Variants in KIF6 observed in about 807,000 individuals in gnomAD.
KIF6 encodes the protein kinesin family member 6.
A neutral mutation model predicts 112.7 loss-of-function variants in KIF6; 106 were observed. The observed-to-expected ratio is 0.94, with a 90% CI of 0.80 to 1.11. The LOEUF (loss-of-function observed/expected upper bound fraction) is 1.11. Among genes scored for constraint, KIF6 ranks in the 50% least tolerant of loss-of-function variants. The probability of loss-of-function intolerance (pLI) is 0.00; values close to 1 mark genes in which losing one functional copy is unlikely to be tolerated. For missense variants in KIF6, 929 were observed against 964.0 expected (o/e 0.96, Z 0.48); for synonymous variants, 339 against 339.9 (o/e 1.00, Z 0.03).
chr6:39,716,461 A>G (rs189185893), intron 2 of KIF6, among the ~76,000 whole-genome samples: 140 of 152,314 alleles, frequency 9.2e-4, no homozygotes, highest in Non-Finnish European at 1.7e-3. Flanking sequence ...ACTATATATT[A>G]AGCATCAAAT....
rs1207504978 is a variant in KIF6 at position 39,343,498 on chromosome 6, C to G, written c.2428+211G>C. 6.7e-7 allele frequency: 1 copy of G among 1,496,232 alleles called. No individual in the cohort carries two copies. Among genetic ancestry groups the G allele is most frequent in the Non-Finnish European group, 8.9e-7 (1 of 1,121,606 alleles). The allele number at this position is 1,496,232 out of a possible 1,614,324, so 92.7% of individuals were successfully genotyped here. ...CAGGAGCACCTGGGCCGCCCACCCA[C>G]TTGGGCCTGTCTTGGTGTTTCTGAT... On this transcript the variant is annotated intron_variant, in intron 22 of 22. Transcript: ENST00000287152. This position sits in a 1 kb window ranked among gnomAD's most constrained non-coding sequence, Gnocchi z 4.1.
intron 13 of KIF6, among the ~76,000 whole-genome samples, chr6:39,527,865 A>G: frequency 1.3e-5 from 2 of 152,290 alleles, no homozygotes; most frequent in Admixed American, 1.3e-4. Context: ...TTATCATTGT[A>G]TATATTTATG....
At chr6:39,522,913 A>G (rs1777477449) in intron 13 of KIF6, among the ~76,000 whole-genome samples, 1 of 152,294 alleles carries the variant, frequency 6.6e-6, no homozygotes, top group South Asian at 2.1e-4. Flanking sequence ...TAACTGAGGC[A>G]GTTTCAAGCC....
At chr6:39,422,984 G>A (rs1401138684) in intron 14 of KIF6, among the ~76,000 whole-genome samples, 2 of 152,214 alleles carry the variant, frequency 1.3e-5, no homozygotes, top group Non-Finnish European at 2.9e-5. Flanking sequence ...TTGAGGAGGG[G>A]CAGGAAGGTT....
intron 3 of KIF6, among the ~76,000 whole-genome samples, chr6:39,647,379 G>A (rs1292645177): frequency 6.6e-6 from 1 of 152,050 alleles, no homozygotes; most frequent in Non-Finnish European, 1.5e-5. Context: ...AAGCTCAAGA[G>A]GGGCAGGCAG....
chr6:39,669,206 T>C (rs1332715318), intron 3 of KIF6, among the ~76,000 whole-genome samples: 1 of 152,176 alleles, frequency 6.6e-6, no homozygotes, highest in Non-Finnish European at 1.5e-5. Flanking sequence ...AAAGGTCACT[T>C]TTTAATTACT....
At chr6:39,653,662 G>A (rs1241924554) in intron 3 of KIF6, among the ~76,000 whole-genome samples, 1 of 152,154 alleles carries the variant, frequency 6.6e-6, no homozygotes, top group African/African-American at 2.4e-5. Flanking sequence ...CAAAAGGTAA[G>A]GTCAAGCTGC....
intron 7 of KIF6, among the ~76,000 whole-genome samples, chr6:39,589,655 T>C (rs1781823424): frequency 6.6e-6 from 1 of 152,132 alleles, no homozygotes; most frequent in South Asian, 2.1e-4. Context: ...GTGGTAGCCA[T>C]AAGGAGGAAC....
At chr6:39,632,633 T>A (rs1481458213) in intron 5 of KIF6, among the ~76,000 whole-genome samples, 1 of 151,794 alleles carries the variant, frequency 6.6e-6, no homozygotes, top group South Asian at 2.1e-4. Context: ...ATCATCTTAG[T>A]AAAAGGCAAA....
chr6:39,443,371 C>A (rs574079431), intron 13 of KIF6, among the ~76,000 whole-genome samples: 112 of 151,954 alleles, frequency 7.4e-4, no homozygotes, highest in Non-Finnish European at 1.3e-3. Flanking sequence ...AAAAATGAGG[C>A]AAATTTTCTA....
chr6:39,699,013 A>C (rs1417037542), intron 3 of KIF6, among the ~76,000 whole-genome samples: 2 of 152,316 alleles, frequency 1.3e-5, no homozygotes, highest in Admixed American at 6.5e-5. Context: ...TGCATGTCTA[A>C]CTGGTAGTTT....
intron 13 of KIF6, among the ~76,000 whole-genome samples, chr6:39,499,850 T>C (rs1204260286): frequency 6.6e-6 from 1 of 152,204 alleles, no homozygotes. Flanking sequence ...TGAAAGAGCT[T>C]ATGATTTAGT....
chr6:39,723,285 T>C (rs930506734), intron 1 of KIF6, among the ~76,000 whole-genome samples: 3 of 152,180 alleles, frequency 2.0e-5, no homozygotes, highest in Admixed American at 6.5e-5. Flanking sequence ...CATAGACATA[T>C]ACCCAGTATA....
At chr6:39,435,080 G>C (rs1771431168) in intron 13 of KIF6, among the ~76,000 whole-genome samples, 1 of 152,190 alleles carries the variant, frequency 6.6e-6, no homozygotes, top group South Asian at 2.1e-4. Context: ...GGTGAAAAAT[G>C]CCCAGCTTTT....
intron 13 of KIF6, among the ~76,000 whole-genome samples, chr6:39,511,100 A>G (rs1284041055): frequency 2.6e-5 from 4 of 152,164 alleles, no homozygotes; most frequent in Non-Finnish European, 5.9e-5. Flanking sequence ...TTAGACTACC[A>G]CACAATAATA....
intron 10 of KIF6, among the ~76,000 whole-genome samples, chr6:39,575,275 CT>C (rs142101964): frequency 1.2e-3 from 179 of 143,422 alleles, no homozygotes; most frequent in Middle Eastern, 3.5e-3. Flanking sequence ...TCTTATTTTT[CT>C]TTTTTTTTTT....
chr6:39,629,039 T>C (rs1246507693), intron 5 of KIF6, among the ~76,000 whole-genome samples: 1 of 152,152 alleles, frequency 6.6e-6, no homozygotes, highest in Admixed American at 6.6e-5. Flanking sequence ...TAATATTCCC[T>C]TGTATGGATG....
chr6:39,660,591 C>G (rs1318105745), intron 3 of KIF6, among the ~76,000 whole-genome samples: 1 of 151,992 alleles, frequency 6.6e-6, no homozygotes, highest in Non-Finnish European at 1.5e-5. Flanking sequence ...TTTTCTGGGT[C>G]ATCCAAAACA....
intron 21 of KIF6, among the ~76,000 whole-genome samples, chr6:39,345,176 C>T (rs1040434085): frequency 1.3e-5 from 2 of 152,246 alleles, no homozygotes; most frequent in African/African-American, 4.8e-5. Context: ...TGGCCATTCC[C>T]GCAGGTAGTT....
Sources: allele counts gnomAD v4.1 joint callset (sites outside exome capture counted in the v4.1 genomes callset), GRCh38; gene constraint gnomAD v4.1.1; non-coding constraint Gnocchi (gnomAD v3.1); transcripts MANE v1.5; gene names NCBI Gene and HGNC (gene_info 2026-07-23, HGNC 2026-07-21).